MAP3K12: variants seen among roughly 807,000 people sequenced by gnomAD.
MAP3K12 encodes the protein mitogen-activated protein kinase kinase kinase 12, also known as MAPK-upstream kinase.
A neutral mutation model predicts 87.5 loss-of-function variants in MAP3K12; 14 were observed. The ratio of observed to expected loss-of-function variants is 0.16; its 90% confidence interval spans 0.11 to 0.25. The LOEUF is 0.25. Among genes scored for constraint, MAP3K12 ranks in the 10% least tolerant of loss-of-function variants. The pLI is 1.00. For missense variants in MAP3K12, 802 were observed against 1,140.4 expected (o/e 0.70, Z 4.27); for synonymous variants, 469 against 452.5 (o/e 1.04, Z -0.46).
chr12:53,481,830 T>C (rs1943060368), intron 13 of MAP3K12, 111 bp downstream of exon 13: 3 of 1,344,768 alleles, frequency 2.2e-6, no homozygotes, highest in East Asian at 2.3e-5. Context: ...ATTTGCTCTT[T>C]ATGGTACTTT....
rs1943073445 is a variant in MAP3K12 at position 53,482,163 on chromosome 12, T to C, written c.2358A>G (p.Ser786=). The change falls in exon 13 of 14, where the codon TCA becomes TCG. Residue 786 remains serine (S), a synonymous_variant. Coordinates refer to ENST00000547488, the MANE Select transcript of MAP3K12 (RefSeq NM_001193511.2). ...NMRQSLSTFS[S]ENPSDGEEGT... ...CTTCCTCCCCATCTGATGGATTCTC[T>C]GAGCTGAAGGTAGATAGTGACTGGC... 5.0e-6 allele frequency: 8 copies of C among 1,614,216 alleles called. No individual in the cohort carries two copies. The highest frequency in any genetic ancestry group is 6.8e-6 in the Non-Finnish European group (8 of 1,180,026).
chr12:53,497,684 A>G (rs1026493672), intron 1 of MAP3K12, among the ~76,000 whole-genome samples: 3 of 152,166 alleles, frequency 2.0e-5, no homozygotes, highest in African/African-American at 7.2e-5. Flanking sequence ...AGGGGCAGAC[A>G]TTTCCACCTC....
chr12:53,488,817 C>T (rs778418339), intron 1 of MAP3K12, among the ~76,000 whole-genome samples: 15 of 151,890 alleles, frequency 9.9e-5, no homozygotes, highest in South Asian at 2.1e-4. Context: ...CAGTGGCTCA[C>T]GCCTGTAATC....
intron 7 of MAP3K12, 64 bp downstream of exon 7, chr12:53,484,193 C>A: frequency 1.3e-6 from 2 of 1,492,326 alleles, no homozygotes; most frequent in East Asian, 2.3e-5. Context: ...CAGCCTCCCC[C>A]TCAAATAGCA....
At position 53,485,466 on chromosome 12, in the gene MAP3K12, G is replaced by A; in HGVS notation, c.831C>T (p.Ile277=). ...AGATCTTCACCACATCGTCGTAGGT[G>A]ATTAGCATGCTGGTAAAGAGTGTAG... ...HRDLKSPNML[I]TYDDVVKISD... is the part of the protein sequence containing the mutation. The change falls in exon 5 of 14, where the codon ATC becomes ATT. Residue 277 remains isoleucine, a synonymous_variant. Coordinates refer to ENST00000547488, the MANE Select transcript of MAP3K12 (RefSeq NM_001193511.2). 3.7e-6 allele frequency: 6 copies of A among 1,613,808 alleles called. No homozygotes were observed. The highest frequency in any genetic ancestry group is 5.1e-6 in the Non-Finnish European group (6 of 1,179,810).
In MAP3K12 at chr12:53,481,287, GAA is replaced by G. The variant is rs1461490949; in HGVS notation, c.2581-9_2581-8del. On this transcript the variant is annotated splice_region_variant and splice_polypyrimidine_tract_variant and intron_variant, in intron 13 of 13. Coordinates refer to ENST00000547488, the MANE Select transcript of MAP3K12 (RefSeq NM_001193511.2). ...CCTCAGAATTGGGAGGGCCCTGTGA[GAA>G]AGAGTAGAAATGGAGTGAGATTCCT... 2.0e-6 allele frequency: 3 copies of G among 1,507,424 alleles called. No homozygotes were observed. Among genetic ancestry groups the G allele is most frequent in the Admixed American group, 2.1e-5 (1 of 46,628 alleles). 93.4% of individuals were successfully genotyped at this position (1,507,424 alleles called of 1,614,324 possible). A position where few individuals can be genotyped will look rare whatever the true frequency, so the allele number is the denominator to read the frequency against.
chr12:53,491,161 G>A (rs1253718572), intron 1 of MAP3K12, among the ~76,000 whole-genome samples: 3 of 150,910 alleles, frequency 2.0e-5, no homozygotes, highest in Non-Finnish European at 4.4e-5. Flanking sequence ...GGCGGCGGTC[G>A]CCTGTAGTCC....
At position 53,481,930 on chromosome 12, in the gene MAP3K12, G is replaced by T; in HGVS notation, c.2580+11C>A. The stretch of plus-strand genomic sequence containing the variant: ...TGTTCAATATCTGCTTTTTGCTGTT[G>T]TGCCACTCACCCGCTCTCTGAGAAG... On this transcript the variant is annotated intron_variant, in intron 13 of 13. Coordinates refer to ENST00000547488, the MANE Select transcript of MAP3K12 (RefSeq NM_001193511.2). 1 of 1,607,766 alleles carries T rather than the reference G, an allele frequency of 6.2e-7. No individual in the cohort carries two copies. The highest frequency in any genetic ancestry group is 8.5e-7 in the Non-Finnish European group (1 of 1,175,670).
chr12:53,487,581 T>A, intron 1 of MAP3K12, 153 bp from the exon 2 acceptor site: 1 of 693,806 alleles, frequency 1.4e-6, no homozygotes, highest in South Asian at 2.2e-5. Flanking sequence ...GCCCTCCAAA[T>A]TGCACCTTGA....
intron 1 of MAP3K12, among the ~76,000 whole-genome samples, chr12:53,488,913 C>T (rs1943321340): frequency 6.8e-6 from 1 of 147,334 alleles, no homozygotes; most frequent in Admixed American, 7.1e-5. Context: ...AACCCTGTCT[C>T]TACTTAAAAA....
chr12:53,498,229 G>C (rs943174641), intron 1 of MAP3K12, among the ~76,000 whole-genome samples: 7 of 152,170 alleles, frequency 4.6e-5, no homozygotes, highest in Non-Finnish European at 7.4e-5. Flanking sequence ...GGACAGGAAG[G>C]CTCAGGGGGC....
chr12:53,482,007 T>G lies in MAP3K12; in HGVS notation c.2514A>C (p.Ser838=), dbSNP rs552979863. 3.7e-6 allele frequency: 6 copies of G among 1,614,170 alleles called. No individual in the cohort carries two copies. In the South Asian group the frequency reaches 5.5e-5, roughly 15 times the overall value. The change falls in exon 13 of 14, where the codon TCA becomes TCC. Residue 838 remains serine, a synonymous_variant. Coordinates refer to ENST00000547488, the MANE Select transcript of MAP3K12 (RefSeq NM_001193511.2). ...GSEIPLDPPP[S]EVIPGPEPSS... is the part of the protein sequence containing the mutation. Reference sequence around the variant, plus strand: ...TGGGTTCAGGGCCAGGGATGACCTCTGAAGGAGGTGGGTCCAGTGGGATTT... The same window carrying G: ...TGGGTTCAGGGCCAGGGATGACCTCGGAAGGAGGTGGGTCCAGTGGGATTT...
chr12:53,497,737 G>C (rs1033796686), intron 1 of MAP3K12, among the ~76,000 whole-genome samples: 1 of 152,192 alleles, frequency 6.6e-6, no homozygotes, highest in African/African-American at 2.4e-5. Context: ...GGCTTGACTG[G>C]TGTAGGGCTG....
intron 1 of MAP3K12, among the ~76,000 whole-genome samples, chr12:53,497,582 T>C (rs1254644630): frequency 6.6e-6 from 1 of 152,192 alleles, no homozygotes; most frequent in African/African-American, 2.4e-5. Flanking sequence ...GAAGCCCCTA[T>C]GTCCCCTGCT....
At chr12:53,501,222 C>G, upstream of MAP3K12, 4 of 634,126 alleles carry the variant, frequency 6.3e-6, no homozygotes, top group Admixed American at 5.9e-5. Flanking sequence ...GGTTGTGGGG[C>G]GGATAGCTCC....
Position 53,480,389 on chromosome 12 carries a change from G to A in MAP3K12, c.*793C>T, listed in dbSNP as rs534662042. The stretch of plus-strand genomic sequence containing the variant: ...AGAGTAGATGCAAAAAAGTGGAGGG[G>A]CAGGAGAACTTCTCCAGACACCTCA... On this transcript the variant is annotated 3_prime_UTR_variant, in exon 14 of 14. Coordinates refer to ENST00000547488, the MANE Select transcript of MAP3K12 (RefSeq NM_001193511.2). The A allele has an allele frequency of 6.0e-4, 91 of 152,486 alleles. No homozygotes were observed. Among genetic ancestry groups the A allele is most frequent in the African/African-American group, 2.0e-3 (83 of 41,552 alleles). The allele number at this position is 152,486 out of a possible 1,614,324, so 9.4% of individuals were successfully genotyped here.
chr12:53,480,552 C>T lies in MAP3K12; in HGVS notation c.*630G>A, dbSNP rs1418274837. ...CACAGGGGTTACAGTAGGACAGTCC[C>T]CACCCCAATCAGGCACCAGGATAAA... is the stretch of plus-strand genomic sequence containing the variant. On this transcript the variant is annotated 3_prime_UTR_variant, in exon 14 of 14. Transcript: ENST00000547488. The T allele has an allele frequency of 6.6e-6, 1 of 152,606 alleles. No homozygotes were observed. Among genetic ancestry groups the T allele is most frequent in the Non-Finnish European group, 1.5e-5 (1 of 68,066 alleles). 9.5% of individuals were successfully genotyped at this position (152,606 alleles called of 1,614,324 possible).
intron 13 of MAP3K12, chr12:53,481,567 C>A (rs889795922): frequency 3.2e-6 from 1 of 310,236 alleles, no homozygotes; most frequent in Non-Finnish European, 6.0e-6. Flanking sequence ...TCAGGCTGGT[C>A]TTGAACTCCT....
intron 1 of MAP3K12, among the ~76,000 whole-genome samples, chr12:53,499,031 C>A (rs1156873508): frequency 1.4e-5 from 2 of 145,022 alleles, no homozygotes; most frequent in Non-Finnish European, 3.0e-5. Context: ...CAGTCCTTGC[C>A]CTTCCTTTCC....
Sources: gnomAD v4.1 joint callset for allele counts (sites outside exome capture counted in the v4.1 genomes callset) on GRCh38, gnomAD v4.1.1 for gene constraint, MANE v1.5 for transcripts, NCBI Gene and HGNC (gene_info 2026-07-23, HGNC 2026-07-21) for gene names.